PCDHB12: variants seen among roughly 807,000 people sequenced by gnomAD.
PCDHB12 encodes protocadherin beta 12, also known as protocadherin beta-12.
For missense variants in PCDHB12, 1,192 were observed against 998.2 expected (o/e 1.19, Z -2.62); for synonymous variants, 560 against 445.2 (o/e 1.26, Z -3.24).
In PCDHB12 at chr5:141,210,537, G is replaced by C. The variant is rs782223453; in HGVS notation, c.1630G>C (p.Glu544Gln). The C allele has an allele frequency of 1.2e-5, 19 of 1,611,862 alleles. No individual in the cohort carries two copies. The highest frequency in any genetic ancestry group is 9.9e-5 in the South Asian group (9 of 90,994). The change falls in exon 1 of 1, where the codon GAG (glutamate) becomes CAG (glutamine). Residue 544 changes from glutamate (E) to glutamine (Q), a missense_variant. Physicochemically the swap from Glu to Gln is conservative, Grantham distance 29 (BLOSUM62 2). Transcript: ENST00000239450. ...TDHGSPALSSEALVRVLVLDA... is the reference protein window; with the variant it reads ...TDHGSPALSSQALVRVLVLDA... ...CCACGGCTCCCCGGCTTTGAGCAGCGAGGCGCTGGTGCGCGTGCTGGTGCT... is the reference window on the plus strand; with the variant it reads ...CCACGGCTCCCCGGCTTTGAGCAGCCAGGCGCTGGTGCGCGTGCTGGTGCT...
At position 141,210,955 on chromosome 5, in the gene PCDHB12, C is replaced by A. The variant is rs1754441809; in HGVS notation, c.2048C>A (p.Ala683Asp). The A allele has an allele frequency of 6.2e-7, 1 of 1,611,702 alleles. No individual in the cohort carries two copies. Among genetic ancestry groups the A allele is most frequent in the Non-Finnish European group, 8.5e-7 (1 of 1,179,784 alleles). ...LPEAAPAQAQ[A>D]DSLTVYLVVA... ...GAGGCGGCCCCGGCCCAGGCCCAGG[C>A]CGACTCGCTCACTGTCTACCTGGTG... The change falls in exon 1 of 1, where the codon GCC (alanine) becomes GAC (aspartate). Residue 683 changes from alanine to aspartate, a missense_variant. Transcript: ENST00000239450.
Position 141,210,131 on chromosome 5 carries a change from G to A in PCDHB12, c.1224G>A (p.Pro408=), listed in dbSNP as rs797023212. The change falls in exon 1 of 1, where the codon CCG becomes CCA. Residue 408 remains proline (P), a synonymous_variant. Transcript: ENST00000239450. ...ACTACACTTTGGAAACAGAGAGACC[G>A]CTGGACAGAGAGAGCAGAGCCGAGT... The part of the protein sequence containing the change: ...NNYYTLETER[P]LDRESRAEYN... The A allele has an allele frequency of 8.1e-6, 13 of 1,614,156 alleles. No individual in the cohort carries two copies. The highest frequency in any genetic ancestry group is 5.0e-5 in the Admixed American group (3 of 60,020).
Position 141,209,421 on chromosome 5 carries a change from A to G in PCDHB12, c.514A>G (p.Ile172Val). 2 of 1,614,190 alleles carry G rather than the reference A, an allele frequency of 1.2e-6. No individual in the cohort carries two copies. Among genetic ancestry groups the G allele is most frequent in the Non-Finnish European group, 8.5e-7 (1 of 1,180,020 alleles). The change falls in exon 1 of 1, where the codon ATA (isoleucine) becomes GTA (valine). Residue 172 changes from isoleucine to valine, a missense_variant. Ile to Val is a conservative substitution (Grantham distance 29). Transcript: ENST00000239450. ...AATCAATGCTGTAAAAAGCTACACA[A>G]TAAATCCGAACTCTCATTTCCACGT... Reference protein sequence around the residue: ...VGINAVKSYTINPNSHFHVKI... With the variant: ...VGINAVKSYTVNPNSHFHVKI...
At position 141,209,526 on chromosome 5, in the gene PCDHB12, G is replaced by A. The variant is rs371376851; in HGVS notation, c.619G>A (p.Glu207Lys). The change falls in exon 1 of 1, where the codon GAG (glutamate) becomes AAG (lysine). Residue 207 changes from glutamate (E) to lysine (K), a missense_variant. Transcript: ENST00000239450. The stretch of plus-strand genomic sequence containing the variant: ...GGCGCTGGATTATGAAGAGCGCCCG[G>A]AGCTCAGTTTCATCCTCACTGCTCT... ...DKALDYEERP[E>K]LSFILTALDG... 1 of 1,614,160 alleles carries A rather than the reference G, an allele frequency of 6.2e-7. No homozygotes were observed. The highest frequency in any genetic ancestry group is 8.5e-7 in the Non-Finnish European group (1 of 1,180,032).
rs1554287008 is a variant in PCDHB12, at chr5:141,210,648, G to A, written c.1741G>A (p.Glu581Lys). 1.9e-6 allele frequency: 3 copies of A among 1,611,214 alleles called. No individual in the cohort carries two copies. Among genetic ancestry groups the A allele is most frequent in the South Asian group, 2.2e-5 (2 of 90,978 alleles). Residue 581 changes from glutamate (E) to lysine (K), a missense_variant, in exon 1 of 1, where the codon GAG (glutamate) becomes AAG (lysine). Physicochemically the swap from Glu to Lys is moderately conservative, Grantham distance 56. Coordinates refer to ENST00000239450, the MANE Select transcript of PCDHB12 (RefSeq NM_018932.4). ...PCTELVPWAA[E>K]PGYLVTKVVA... ...CACCGAGCTGGTGCCCTGGGCGGCC[G>A]AGCCGGGCTACCTGGTGACCAAGGT...
In PCDHB12 at chr5:141,209,316, G is replaced by T; in HGVS notation, c.409G>T (p.Glu137Ter). 6.2e-7 allele frequency: 1 copy of T among 1,614,212 alleles called. No individual in the cohort carries two copies. Among genetic ancestry groups the T allele is most frequent in the Non-Finnish European group, 8.5e-7 (1 of 1,180,036 alleles). The part of the protein sequence containing the change: ...NDHSPVFLEK[E>*]MLLEIPENSP... ...TCACTCTCCCGTCTTCTTGGAAAAA[G>T]AAATGCTCTTAGAAATCCCAGAGAA... The change falls in exon 1 of 1, where the codon GAA (glutamate) becomes TAA (stop). Residue 137 changes from glutamate to a stop codon, truncating the protein, a stop_gained. Transcript: ENST00000239450. LOFTEE classifies it low-confidence loss of function (END_TRUNC).
In PCDHB12 at chr5:141,209,018, G is replaced by A. The variant is rs1754363028; in HGVS notation, c.111G>A (p.Glu37=). The change falls in exon 1 of 1, where the codon GAG becomes GAA. Residue 37 remains glutamate (E), a synonymous_variant. Transcript: ENST00000239450. The part of the protein sequence containing the change: ...GSETGNFLVM[E]ELQSGSFVGN... The stretch of plus-strand genomic sequence containing the variant: ...AAACTGGGAACTTTTTGGTGATGGA[G>A]GAATTGCAGAGCGGGAGCTTTGTAG... The A allele has an allele frequency of 6.2e-7, 1 of 1,609,030 alleles. No individual in the cohort carries two copies. The highest frequency in any genetic ancestry group is 1.3e-5 in the African/African-American group (1 of 74,590).
chr5:141,209,918 G>A lies in PCDHB12; in HGVS notation c.1011G>A (p.Val337=), dbSNP rs1313736360. ...LFGKSTVRIQ[V]MDVNDNAPEI... is the part of the protein sequence containing the mutation. ...GAAAATCTACAGTCAGAATTCAGGT[G>A]ATGGATGTAAACGACAACGCTCCTG... Residue 337 remains valine, a synonymous_variant, in exon 1 of 1, where the codon GTG becomes GTA. Transcript: ENST00000239450. 6.2e-7 allele frequency: 1 copy of A among 1,614,056 alleles called. No homozygotes were observed. Among genetic ancestry groups the A allele is most frequent in the African/African-American group, 1.3e-5 (1 of 74,904 alleles).
Position 141,209,984 on chromosome 5 carries a change from C to A in PCDHB12, c.1077C>A (p.Asn359Lys). 1 of 1,614,188 alleles carries A rather than the reference C, an allele frequency of 6.2e-7. No homozygotes were observed. The highest frequency in any genetic ancestry group is 8.5e-7 in the Non-Finnish European group (1 of 1,180,046). Residue 359 changes from asparagine (N) to lysine (K), a missense_variant, in exon 1 of 1, where the codon AAC (asparagine) becomes AAA (lysine). Transcript: ENST00000239450. ...VSSITSPIPENTPETVVMVFR... is the reference protein window; with the variant it reads ...VSSITSPIPEKTPETVVMVFR... ...CAATTACCAGTCCAATCCCAGAAAA[C>A]ACTCCAGAGACTGTGGTTATGGTTT...
At position 141,211,416 on chromosome 5, in the gene PCDHB12, A is replaced by T; in HGVS notation, c.*121A>T. 1 of 1,032,394 alleles carries T rather than the reference A, an allele frequency of 9.7e-7. No homozygotes were observed. The highest frequency in any genetic ancestry group is 1.5e-6 in the Non-Finnish European group (1 of 687,362). The allele number at this position is 1,032,394 out of a possible 1,614,324, so 64.0% of individuals were successfully genotyped here. ...ATACATACTCTTCAAGTCAAGAAAT[A>T]AATTTCTTTACATAGAAAAGGATAC... On this transcript the variant is annotated 3_prime_UTR_variant, in exon 1 of 1. Coordinates refer to ENST00000239450, the MANE Select transcript of PCDHB12 (RefSeq NM_018932.4).
At position 141,208,887 on chromosome 5, in the gene PCDHB12, TG is replaced by T; in HGVS notation, c.-17del. The T allele has an allele frequency of 6.6e-7, 1 of 1,512,082 alleles. No homozygotes were observed. Among genetic ancestry groups the T allele is most frequent in the South Asian group, 1.4e-5 (1 of 72,426 alleles). The allele number at this position is 1,512,082 out of a possible 1,614,324, so 93.7% of individuals were successfully genotyped here. A position where few individuals can be genotyped will look rare whatever the true frequency, so the allele number is the denominator to read the frequency against. Reference sequence around the variant, plus strand: ...CTGAGGCAATTCTGCAAGAAGATTTTGGGGTTTTGGAAAAGAAGCTATGGAA... The same window carrying T: ...CTGAGGCAATTCTGCAAGAAGATTTTGGGTTTTGGAAAAGAAGCTATGGAA... On this transcript the variant is annotated 5_prime_UTR_variant, in exon 1 of 1. Transcript: ENST00000239450.
chr5:141,209,824 C>T lies in PCDHB12; in HGVS notation c.917C>T (p.Pro306Leu). ...TCTGGTGACATTACTTTAACAGCAC[C>T]TTTGGATTTTGAAGCAATTGAGTCA... ...QKSGDITLTA[P>L]LDFEAIESYS... The change falls in exon 1 of 1, where the codon CCT becomes CTT. Residue 306 changes from proline (P) to leucine (L), a missense_variant. Coordinates refer to ENST00000239450, the MANE Select transcript of PCDHB12 (RefSeq NM_018932.4). 1 of 1,614,162 alleles carries T rather than the reference C, an allele frequency of 6.2e-7. No individual in the cohort carries two copies.
Position 141,210,991 on chromosome 5 carries a change from C to A in PCDHB12, c.2084C>A (p.Ala695Asp). Residue 695 changes from alanine to aspartate, a missense_variant, in exon 1 of 1, where the codon GCC becomes GAC. Physicochemically the swap from Ala to Asp is moderately radical, Grantham distance 126. Transcript: ENST00000239450. ...SLTVYLVVALASVSSLFLFSV... is the reference protein window; with the variant it reads ...SLTVYLVVALDSVSSLFLFSV... ...ACTGTCTACCTGGTGGTGGCGTTGG[C>A]CTCAGTGTCGTCGCTCTTCCTCTTC... is the stretch of plus-strand genomic sequence containing the variant. 6.2e-7 allele frequency: 1 copy of A among 1,611,622 alleles called. No homozygotes were observed. The highest frequency in any genetic ancestry group is 2.2e-5 in the East Asian group (1 of 44,834).
Position 141,209,996 on chromosome 5 carries a change from T to C in PCDHB12, c.1089T>C (p.Thr363=). 5.6e-6 allele frequency: 9 copies of C among 1,614,178 alleles called. 1 individual carries two copies. The South Asian group carries it at 9.9e-5, about 18-fold the overall frequency. Reference sequence around the variant, plus strand: ...CAATCCCAGAAAACACTCCAGAGACTGTGGTTATGGTTTTCAGGATACGAG... The same window carrying C: ...CAATCCCAGAAAACACTCCAGAGACCGTGGTTATGGTTTTCAGGATACGAG... The part of the protein sequence containing the change: ...TSPIPENTPE[T]VVMVFRIRDR... Residue 363 remains threonine (T), a synonymous_variant, in exon 1 of 1, where the codon ACT becomes ACC. Coordinates refer to ENST00000239450, the MANE Select transcript of PCDHB12 (RefSeq NM_018932.4).
In PCDHB12 at chr5:141,209,143, C is replaced by T. The variant is rs533812295; in HGVS notation, c.236C>T (p.Thr79Ile). ...NDNKECLQLD[T>I]NTGDLLLREM... ...AACAAAGAGTGTTTGCAGCTGGACACAAACACTGGGGATTTGCTCCTGAGA... is the reference window on the plus strand; with the variant it reads ...AACAAAGAGTGTTTGCAGCTGGACATAAACACTGGGGATTTGCTCCTGAGA... The change falls in exon 1 of 1, where the codon ACA (threonine) becomes ATA (isoleucine). Residue 79 changes from threonine to isoleucine, a missense_variant. Thr to Ile is a moderately conservative substitution (Grantham distance 89). Coordinates refer to ENST00000239450, the MANE Select transcript of PCDHB12 (RefSeq NM_018932.4). 1.2e-6 allele frequency: 2 copies of T among 1,614,102 alleles called. No individual in the cohort carries two copies. Among genetic ancestry groups the T allele is most frequent in the African/African-American group, 2.7e-5 (2 of 75,006 alleles).
At position 141,209,870 on chromosome 5, in the gene PCDHB12, C is replaced by T; in HGVS notation, c.963C>T (p.Ala321=). 6.2e-7 allele frequency: 1 copy of T among 1,614,190 alleles called. No homozygotes were observed. The highest frequency in any genetic ancestry group is 1.1e-5 in the South Asian group (1 of 91,082). ...AGTCATACTCAATAATCATTCAAGC[C>T]ACAGATGGGGGAGGACTTTTTGGAA... The part of the protein sequence containing the change: ...AIESYSIIIQ[A]TDGGGLFGKS... The change falls in exon 1 of 1, where the codon GCC becomes GCT. Residue 321 remains alanine (A), a synonymous_variant. Transcript: ENST00000239450.
rs782582106 is a variant in PCDHB12 at position 141,210,229 on chromosome 5, T to C, written c.1322T>C (p.Val441Ala). The change falls in exon 1 of 1, where the codon GTC (valine) becomes GCC (alanine). Residue 441 changes from valine (V) to alanine (A), a missense_variant. Physicochemically the swap from Val to Ala is moderately conservative, Grantham distance 64. Coordinates refer to ENST00000239450, the MANE Select transcript of PCDHB12 (RefSeq NM_018932.4). ...LKTEHNITVL[V>A]SDVNDNAPAF... ...ACCGAGCACAACATAACCGTGCTGG[T>C]CTCCGACGTCAATGACAACGCCCCC... is the stretch of plus-strand genomic sequence containing the variant. 7 of 1,613,946 alleles carry C rather than the reference T, an allele frequency of 4.3e-6. No homozygotes were observed. In the African/African-American group the frequency reaches 9.3e-5, roughly 22 times the overall value.
Position 141,210,348 on chromosome 5 carries a change from G to T in PCDHB12, c.1441G>T (p.Gly481Cys), listed in dbSNP as rs782632082. 2.5e-6 allele frequency: 4 copies of T among 1,613,036 alleles called. No homozygotes were observed. Among genetic ancestry groups the T allele is most frequent in the Non-Finnish European group, 2.5e-6 (3 of 1,180,024 alleles). Residue 481 changes from glycine (G) to cysteine (C), a missense_variant, in exon 1 of 1, where the codon GGC (glycine) becomes TGC (cysteine). Coordinates refer to ENST00000239450, the MANE Select transcript of PCDHB12 (RefSeq NM_018932.4). ...GSISATDRDS[G>C]TNAQVNYSLL... ...CATCAGCGCCACAGACAGAGACTCG[G>T]GCACCAACGCCCAGGTCAACTACTC... is the stretch of plus-strand genomic sequence containing the variant.
rs1409881357 is a variant in PCDHB12 at position 141,209,098 on chromosome 5, C to T, written c.191C>T (p.Ala64Val). 1.2e-6 allele frequency: 2 copies of T among 1,613,592 alleles called. No individual in the cohort carries two copies. The highest frequency in any genetic ancestry group is 2.7e-5 in the African/African-American group (2 of 74,888). Reference sequence around the variant, plus strand: ...GTGAGTGAGCTGTCTTCGCGGGGGGCTCGGGTGGTTTCTAATGATAACAAA... The same window carrying T: ...GTGAGTGAGCTGTCTTCGCGGGGGGTTCGGGTGGTTTCTAATGATAACAAA... Reference protein sequence around the residue: ...LEVSELSSRGARVVSNDNKEC... With the variant: ...LEVSELSSRGVRVVSNDNKEC... The change falls in exon 1 of 1, where the codon GCT (alanine) becomes GTT (valine). Residue 64 changes from alanine to valine, a missense_variant. Ala to Val is a moderately conservative substitution (Grantham distance 64). Transcript: ENST00000239450.
Sources: allele counts gnomAD v4.1 joint callset, GRCh38; gene constraint gnomAD v4.1.1; transcripts MANE v1.5; gene names NCBI Gene and HGNC (gene_info 2026-07-23, HGNC 2026-07-21).